Variants in TRAFD1 observed in about 807,000 individuals in gnomAD.
The protein encoded by TRAFD1 is TRAF-type zinc finger domain containing 1, also known as TRAF-type zinc finger domain-containing protein 1.
Under a neutral mutation model 65.3 loss-of-function variants are expected in TRAFD1, and 38 were observed. The ratio of observed to expected loss-of-function variants is 0.58; its 90% CI spans 0.45 to 0.76. TRAFD1 has a LOEUF of 0.76. Ranked by LOEUF, TRAFD1 falls within the 30% of genes least tolerant of loss-of-function variation. The probability of loss-of-function intolerance (pLI) is 0.00; values close to 1 mark genes in which losing one functional copy is unlikely to be tolerated. For missense variants in TRAFD1, 631 were observed against 712.6 expected (o/e 0.89, Z 1.30); for synonymous variants, 223 against 257.2 (o/e 0.87, Z 1.27).
chr12:112,136,408 T>C (rs905331916), intron 4 of TRAFD1, among the ~76,000 whole-genome samples: 1 of 151,424 alleles, frequency 6.6e-6, no homozygotes, highest in Non-Finnish European at 1.5e-5. Context: ...GCCTCCTGAG[T>C]AGCTGGGGTT....
Position 112,130,608 on chromosome 12 carries a change from A to T in TRAFD1, c.47+39A>T, listed in dbSNP as rs2079562912. 6.4e-7 allele frequency: 1 copy of T among 1,570,824 alleles called. No individual in the cohort carries two copies. Among genetic ancestry groups the T allele is most frequent in the Non-Finnish European group, 8.7e-7 (1 of 1,143,420 alleles). On this transcript the variant is annotated intron_variant, in intron 2 of 11. Transcript: ENST00000412615. The surrounding 1 kb of genome is among the most constrained non-coding windows in gnomAD (Gnocchi z 4.4). ...TCTAAGAAATGTTAGTGGAATGAGG[A>T]CAGTCAAGCTTAATCACTATCATTT...
chr12:112,151,225 A>C (rs1411974944), intron 9 of TRAFD1, among the ~76,000 whole-genome samples: 2 of 151,992 alleles, frequency 1.3e-5, no homozygotes, highest in Non-Finnish European at 2.9e-5. Context: ...GCGACAGAGC[A>C]AGACTCCATC....
intron 1 of TRAFD1, among the ~76,000 whole-genome samples, chr12:112,128,289 A>G (rs1222386132): frequency 6.6e-6 from 1 of 152,226 alleles, no homozygotes; most frequent in Non-Finnish European, 1.5e-5. Context: ...TACAGGCATG[A>G]GCCACTGGAC....
At position 112,152,551 on chromosome 12, in the gene TRAFD1, G is replaced by C; in HGVS notation, c.1692+52G>C. ...TCAGTGGGGGACTCAGACATGGTGG[G>C]GCTTGTGTGGCTCCTGAAGTTGTAG... On this transcript the variant is annotated intron_variant, in intron 11 of 11. Transcript: ENST00000412615. This position sits in a 1 kb window ranked among gnomAD's most constrained non-coding sequence, Gnocchi z 5.0. The C allele has an allele frequency of 6.2e-7, 1 of 1,607,052 alleles. No individual in the cohort carries two copies. The highest frequency in any genetic ancestry group is 8.5e-7 in the Non-Finnish European group (1 of 1,174,192).
rs1001240998 is a variant in TRAFD1, at chr12:112,148,292, G to A, written c.1146G>A (p.Leu382=). 4.3e-6 allele frequency: 7 copies of A among 1,614,092 alleles called. No individual in the cohort carries two copies. The highest frequency in any genetic ancestry group is 1.7e-5 in the Admixed American group (1 of 60,022). Reference sequence around the variant, plus strand: ...GGGTACAGCTGGAAGAGGAGGTGCTGTTCCATCACCAGGTAAGGGTCCCTG... The same window carrying A: ...GGGTACAGCTGGAAGAGGAGGTGCTATTCCATCACCAGGTAAGGGTCCCTG... The part of the protein sequence containing the change: ...FCGVQLEEEV[L]FHHQDQCDQR... The change falls in exon 8 of 12, where the codon CTG becomes CTA. Residue 382 remains leucine (L), a synonymous_variant. Transcript: ENST00000412615.
At position 112,130,473 on chromosome 12, in the gene TRAFD1, TGAAAGA is replaced by T; in HGVS notation, c.-12-32_-12-27del. ...TTGCATGTCATCTTTAAAGCAGAAA[TGAAAGA>T]GAAAGTTCATGTCTTCCTTTGTGGT... On this transcript the variant is annotated intron_variant, in intron 1 of 11. Transcript: ENST00000412615. This position sits in a 1 kb window ranked among gnomAD's most constrained non-coding sequence, Gnocchi z 4.4. The T allele has an allele frequency of 1.3e-6, 2 of 1,548,794 alleles. No homozygotes were observed. The highest frequency in any genetic ancestry group is 1.8e-6 in the Non-Finnish European group (2 of 1,125,472).
chr12:112,147,593 A>T (rs2030285480), intron 7 of TRAFD1, among the ~76,000 whole-genome samples: 1 of 152,168 alleles, frequency 6.6e-6, no homozygotes, highest in South Asian at 2.1e-4. Flanking sequence ...AAAACCATAA[A>T]AATATTTAAA....
rs1168570677 is a variant in TRAFD1 at position 112,151,992 on chromosome 12, A to G, written c.1471A>G (p.Ser491Gly). The change falls in exon 10 of 12, where the codon AGC (serine) becomes GGC (glycine). Residue 491 changes from serine to glycine, a missense_variant. Transcript: ENST00000412615. ...TGTGCCGAAGCTCAGCAACTCAGAC[A>G]GCCAGGACATCCAGGGGCGGAATCG... ...PCVPKLSNSDSQDIQGRNRDS... is the reference protein window; with the variant it reads ...PCVPKLSNSDGQDIQGRNRDS... 4 of 1,614,134 alleles carry G rather than the reference A, an allele frequency of 2.5e-6. No individual in the cohort carries two copies. Among genetic ancestry groups the G allele is most frequent in the African/African-American group, 2.7e-5 (2 of 74,942 alleles).
chr12:112,134,754 G>T lies in TRAFD1; in HGVS notation c.64G>T (p.Val22Leu), dbSNP rs760391227. ...LCDNCKKEIPVFNFTIHEIHC... is the reference protein window; with the variant it reads ...LCDNCKKEIPLFNFTIHEIHC... ...TTTCCGTAGCAAAAAAGAAATTCCTGTGTTTAACTTTACCATCCATGAGAT... is the reference window on the plus strand; with the variant it reads ...TTTCCGTAGCAAAAAAGAAATTCCTTTGTTTAACTTTACCATCCATGAGAT... The change falls in exon 3 of 12, where the codon GTG becomes TTG. Residue 22 changes from valine (V) to leucine (L), a missense_variant. Transcript: ENST00000412615. 1.9e-6 allele frequency: 3 copies of T among 1,612,050 alleles called. No individual in the cohort carries two copies. The highest frequency in any genetic ancestry group is 2.5e-6 in the Non-Finnish European group (3 of 1,178,230).
rs748908383 is a variant in TRAFD1, at chr12:112,141,113, C to T, written c.532C>T (p.Pro178Ser). 5.0e-6 allele frequency: 8 copies of T among 1,614,172 alleles called. No homozygotes were observed. Among genetic ancestry groups the T allele is most frequent in the Non-Finnish European group, 5.9e-6 (7 of 1,180,026 alleles). ...CAGACAAATTGAGGCTCTGGACCCA[C>T]CCATGAGGCTGCCGCGAAGGCCCCT... ...LLRQIEALDP[P>S]MRLPRRPLRA... Residue 178 changes from proline to serine, a missense_variant, in exon 5 of 12, where the codon CCC becomes TCC. Coordinates refer to ENST00000412615, the MANE Select transcript of TRAFD1 (RefSeq NM_006700.3).
rs1232307714 is a variant in TRAFD1 at position 112,151,791 on chromosome 12, C to G, written c.1280-10C>G. On this transcript the variant is annotated splice_polypyrimidine_tract_variant and intron_variant, in intron 9 of 11. Coordinates refer to ENST00000412615, the MANE Select transcript of TRAFD1 (RefSeq NM_006700.3). Reference sequence around the variant, plus strand: ...TTTTTCCTAAAGCTGTTACCATTTTCTCTTCTCAGGAGACCTGTCTTCTGG... The same window carrying G: ...TTTTTCCTAAAGCTGTTACCATTTTGTCTTCTCAGGAGACCTGTCTTCTGG... 1 of 1,605,102 alleles carries G rather than the reference C, an allele frequency of 6.2e-7. No homozygotes were observed.
At position 112,140,982 on chromosome 12, in the gene TRAFD1, T is replaced by C. The variant is rs769268573; in HGVS notation, c.401T>C (p.Val134Ala). ...LVKDLKTHPEVCGREGEEKRN... is the reference protein window; with the variant it reads ...LVKDLKTHPEACGREGEEKRN... ...AAAGATCTGAAGACTCACCCTGAAGTTTGTGGGAGAGAGGGGGAGGAAAAG... is the reference window on the plus strand; with the variant it reads ...AAAGATCTGAAGACTCACCCTGAAGCTTGTGGGAGAGAGGGGGAGGAAAAG... The change falls in exon 5 of 12, where the codon GTT (valine) becomes GCT (alanine). Residue 134 changes from valine (V) to alanine (A), a missense_variant. Physicochemically the swap from Val to Ala is moderately conservative, Grantham distance 64. Coordinates refer to ENST00000412615, the MANE Select transcript of TRAFD1 (RefSeq NM_006700.3). 4 of 1,613,922 alleles carry C rather than the reference T, an allele frequency of 2.5e-6. No homozygotes were observed. The African/African-American group carries it at 5.3e-5, about 22-fold the overall frequency.
rs1380743904 is a variant in TRAFD1, at chr12:112,137,983, T to A, written c.238-2836T>A. Reference sequence around the variant, plus strand: ...ACAGCGGGCTACAGTGACTCATGCCTGTATCCTAGCACTTTGGGAGGCCAA... The same window carrying A: ...ACAGCGGGCTACAGTGACTCATGCCAGTATCCTAGCACTTTGGGAGGCCAA... On this transcript the variant is annotated intron_variant, in intron 4 of 11. Coordinates refer to ENST00000412615, the MANE Select transcript of TRAFD1 (RefSeq NM_006700.3). The surrounding 1 kb of genome is among the most constrained non-coding windows in gnomAD (Gnocchi z 4.2). Among the ~76,000 whole-genome samples the A allele has an allele frequency of 6.6e-6, 1 of 151,770 alleles. No individual in the cohort carries two copies. Among genetic ancestry groups the A allele is most frequent in the African/African-American group, 2.4e-5 (1 of 41,318 alleles).
At chr12:112,147,654 T>C (rs2030286445) in intron 7 of TRAFD1, among the ~76,000 whole-genome samples, 1 of 152,040 alleles carries the variant, frequency 6.6e-6, no homozygotes, top group Non-Finnish European at 1.5e-5. Flanking sequence ...CTCTTTCCAA[T>C]ATTAAGCATT....
intron 4 of TRAFD1, among the ~76,000 whole-genome samples, chr12:112,138,031 A>C (rs2029970014): frequency 6.6e-6 from 1 of 152,136 alleles, no homozygotes; most frequent in Non-Finnish European, 1.5e-5. Context: ...GCTTAAACCA[A>C]AGAGTTCAAG....
chr12:112,148,355 G>A, intron 8 of TRAFD1, 51 bp downstream of exon 8: 1 of 1,488,542 alleles, frequency 6.7e-7, no homozygotes. Context: ...TGAACCTGAG[G>A]CTTCCAGAGC....
intron 7 of TRAFD1, among the ~76,000 whole-genome samples, chr12:112,146,082 AT>A (rs530441051): frequency 9.8e-4 from 147 of 150,692 alleles, no homozygotes; most frequent in Non-Finnish European, 1.3e-3. Flanking sequence ...TGACGAGTTA[AT>A]GGGTGCAGCA....
rs1332828194 is a variant in TRAFD1 at position 112,130,424 on chromosome 12, T to C, written c.-12-87T>C. ...ATGCAGGTTTGGGTGACAGTTTCTGTATACTAGTTTTTTATTTGTTTTTTT... is the reference window on the plus strand; with the variant it reads ...ATGCAGGTTTGGGTGACAGTTTCTGCATACTAGTTTTTTATTTGTTTTTTT... On this transcript the variant is annotated intron_variant, in intron 1 of 11. Transcript: ENST00000412615. This position sits in a 1 kb window ranked among gnomAD's most constrained non-coding sequence, Gnocchi z 4.4. 2 of 992,578 alleles carry C rather than the reference T, an allele frequency of 2.0e-6. No individual in the cohort carries two copies. The highest frequency in any genetic ancestry group is 3.1e-6 in the Non-Finnish European group (2 of 638,652). The allele number at this position is 992,578 out of a possible 1,614,324, so 61.5% of individuals were successfully genotyped here.
intron 2 of TRAFD1, among the ~76,000 whole-genome samples, chr12:112,134,182 G>C (rs2079582030): frequency 1.4e-5 from 2 of 147,274 alleles, no homozygotes; most frequent in African/African-American, 5.0e-5. Flanking sequence ...GGCTAATTTT[G>C]TATTTTTAGT....
Sources: gnomAD v4.1 joint callset for allele counts (sites outside exome capture counted in the v4.1 genomes callset) on GRCh38, gnomAD v4.1.1 for gene constraint, Gnocchi (gnomAD v3.1) non-coding constraint, MANE v1.5 for transcripts, NCBI Gene and HGNC (gene_info 2026-07-23, HGNC 2026-07-21) for gene names.